SOAT2: variants seen among roughly 807,000 people sequenced by gnomAD.
SOAT2 encodes the protein ACAT-2.
A neutral mutation model predicts 76.0 loss-of-function variants in SOAT2; 87 were observed. The ratio of observed to expected loss-of-function variants is 1.14; its 90% CI spans 0.96 to 1.37. The LOEUF is 1.37. Ranked by LOEUF, SOAT2 falls within the 40% of genes most tolerant of loss-of-function variation. SOAT2 has a pLI of 0.00. For missense variants in SOAT2, 686 were observed against 682.1 expected, an observed-to-expected ratio of 1.01 and a Z score of -0.06; for synonymous variants, 285 against 275.4, an observed-to-expected ratio of 1.03 and a Z score of -0.34.
rs748906906 is a variant in SOAT2, at chr12:53,115,571, G to A, written c.625G>A (p.Val209Met). ...CTGTGCGCTGCTAGCCGCCCACGCC[G>A]TGGTGCTCTGCGCGCTGCCGGTCCA... ...LGCALLAAHA[V>M]VLCALPVHVA... The change falls in exon 6 of 15, where the codon GTG becomes ATG. Residue 209 changes from valine (V) to methionine (M), a missense_variant. Coordinates refer to ENST00000301466, the MANE Select transcript of SOAT2 (RefSeq NM_003578.4). The A allele has an allele frequency of 6.9e-6, 11 of 1,587,972 alleles. No homozygotes were observed. Among genetic ancestry groups the A allele is most frequent in the South Asian group, 2.2e-5 (2 of 89,996 alleles).
intron 5 of SOAT2, 64 bp downstream of exon 5, chr12:53,106,078 C>T (rs1937930332): frequency 8.8e-7 from 1 of 1,132,944 alleles, no homozygotes; most frequent in Non-Finnish European, 1.3e-6. Context: ...GTCCTCAGTG[C>T]CCCACCTGCC....
rs1447348389 is a variant in SOAT2, at chr12:53,122,405, A to G, written c.1237-676A>G. ...GCAGAGGGGGATTTGGCAGGGTCAT[A>G]GGACAATAGTGGAGGGAAGGTCAGC... On this transcript the variant is annotated intron_variant, in intron 12 of 14. Transcript: ENST00000301466. Among the ~76,000 whole-genome samples, 3 of 141,112 alleles carry G rather than the reference A, an allele frequency of 2.1e-5. No individual in the cohort carries two copies. In the East Asian group the frequency reaches 6.0e-4, roughly 28 times the overall value. 92.6% of individuals were successfully genotyped at this position (141,112 alleles called of 152,430 possible). A position where few individuals can be genotyped will look rare whatever the true frequency, so the allele number is the denominator to read the frequency against.
chr12:53,118,962 C>T (rs1565628568), intron 9 of SOAT2, 27 bp downstream of exon 9: 5 of 1,613,618 alleles, frequency 3.1e-6, no homozygotes, highest in Non-Finnish European at 4.2e-6. Flanking sequence ...GAAGGGTGGA[C>T]CTGTGACTCA....
chr12:53,103,734 G>C, intron 1 of SOAT2, 75 bp downstream of exon 1: 12 of 1,172,226 alleles, frequency 1.0e-5, no homozygotes, highest in Non-Finnish European at 1.4e-5. Flanking sequence ...ATGGAGAGAA[G>C]GCTCCAACTG....
At chr12:53,115,753 G>A (rs890874977) in intron 6 of SOAT2, 99 bp downstream of exon 6, 3 of 1,358,914 alleles carry the variant, frequency 2.2e-6, no homozygotes, top group Non-Finnish European at 2.9e-6. Context: ...GCCCACGAGA[G>A]GGAGGCGCTG....
chr12:53,120,337 C>G (rs575796687), intron 10 of SOAT2, among the ~76,000 whole-genome samples: 1 of 151,998 alleles, frequency 6.6e-6, no homozygotes, highest in Admixed American at 6.6e-5. Flanking sequence ...GGCGTGGTGG[C>G]GGGCGTCTGT....
rs754706744 is a variant in SOAT2, at chr12:53,105,994, C to T, written c.423C>T (p.Ile141=). The change falls in exon 5 of 15, where the codon ATC becomes ATT. Residue 141 remains isoleucine, a synonymous_variant. Coordinates refer to ENST00000301466, the MANE Select transcript of SOAT2 (RefSeq NM_003578.4). ...LCVFIISTLA[I]DFIDEGRLLL... ...TCTTCATCATCAGCACCCTGGCCAT[C>T]GACTTCATTGATGAGGGCAGGTAGG... The T allele has an allele frequency of 5.0e-6, 8 of 1,613,886 alleles. No homozygotes were observed. Among genetic ancestry groups the T allele is most frequent in the East Asian group, 2.2e-5 (1 of 44,880 alleles).
At chr12:53,113,254 C>T (rs1364044834) in intron 5 of SOAT2, among the ~76,000 whole-genome samples, 1 of 152,168 alleles carries the variant, frequency 6.6e-6, no homozygotes, top group East Asian at 1.9e-4. Flanking sequence ...CCTATTGCTT[C>T]CCTGGGTGGT....
chr12:53,122,823 G>C (rs1938212937), intron 12 of SOAT2, among the ~76,000 whole-genome samples: 1 of 152,096 alleles, frequency 6.6e-6, no homozygotes, highest in Non-Finnish European at 1.5e-5. Context: ...TTGTCATCAT[G>C]GCCCGTTCTC....
chr12:53,121,381 G>C lies in SOAT2; in HGVS notation c.1216G>C (p.Val406Leu), dbSNP rs764221472. The change falls in exon 12 of 15, where the codon GTG (valine) becomes CTG (leucine). Residue 406 changes from valine (V) to leucine (L), a missense_variant. Transcript: ENST00000301466. ...GGTCCATGACTGGCTGTACAGCTACGTGTATCAGGATGGGCTGCGGGTATG... is the reference window on the plus strand; with the variant it reads ...GGTCCATGACTGGCTGTACAGCTACCTGTATCAGGATGGGCTGCGGGTATG... ...VVVHDWLYSY[V>L]YQDGLRLLGA... The C allele has an allele frequency of 7.4e-6, 12 of 1,614,094 alleles. No homozygotes were observed. Among genetic ancestry groups the C allele is most frequent in the Non-Finnish European group, 1.0e-5 (12 of 1,179,976 alleles).
At chr12:53,115,797 G>A (rs1938098930) in intron 6 of SOAT2, 143 bp downstream of exon 6, 1 of 1,057,894 alleles carries the variant, frequency 9.5e-7, no homozygotes, top group Non-Finnish European at 1.3e-6. Flanking sequence ...GCTAGTTACC[G>A]GGGGTGGAGT....
Position 53,123,791 on chromosome 12 carries a change from C to G in SOAT2, c.1436C>G (p.Thr479Ser). 1 of 1,614,168 alleles carries G rather than the reference C, an allele frequency of 6.2e-7. No homozygotes were observed. The highest frequency in any genetic ancestry group is 8.5e-7 in the Non-Finnish European group (1 of 1,180,034). ...TGPAWNVLMW[T>S]MLFLGQGIQV... Reference sequence around the variant, plus strand: ...CCGGCATGGAACGTGCTGATGTGGACCATGCTGTTTCTAGGCCAGGGAATC... The same window carrying G: ...CCGGCATGGAACGTGCTGATGTGGAGCATGCTGTTTCTAGGCCAGGGAATC... The change falls in exon 14 of 15, where the codon ACC becomes AGC. Residue 479 changes from threonine (T) to serine (S), a missense_variant. Transcript: ENST00000301466.
intron 10 of SOAT2, 94 bp from the exon 11 acceptor site, chr12:53,120,691 GT>G (rs1380749162): frequency 1.2e-6 from 1 of 807,388 alleles, no homozygotes; most frequent in Non-Finnish European, 2.2e-6. Flanking sequence ...TGGGGCCCTG[GT>G]TTCTGGGCAG....
intron 12 of SOAT2, among the ~76,000 whole-genome samples, chr12:53,121,659 G>A (rs1938191224): frequency 6.6e-6 from 1 of 152,048 alleles, no homozygotes; most frequent in Non-Finnish European, 1.5e-5. Context: ...AGCCTTCTAA[G>A]GAACATGCAC....
rs756188031 is a variant in SOAT2 at position 53,124,057 on chromosome 12, T to C, written c.1519-16T>C. ...CAGGAATGATCTCATTCACGACTTA[T>C]TCTTCTCTGGCTCAGGCAACTTTCT... On this transcript the variant is annotated splice_polypyrimidine_tract_variant and intron_variant, in intron 14 of 14. Transcript: ENST00000301466. The C allele has an allele frequency of 1.2e-6, 2 of 1,614,194 alleles. No homozygotes were observed. Among genetic ancestry groups the C allele is most frequent in the Non-Finnish European group, 1.7e-6 (2 of 1,180,020 alleles).
At chr12:53,110,032 T>TGCTTTACAA (rs905517347) in intron 5 of SOAT2, among the ~76,000 whole-genome samples, 3 of 152,170 alleles carry the variant, frequency 2.0e-5, no homozygotes, top group African/African-American at 7.2e-5. Flanking sequence ...CAATCAACCT[T>TGCTTTACAA]CCACAACTTG....
chr12:53,114,825 T>C (rs539524822), intron 5 of SOAT2, among the ~76,000 whole-genome samples: 1 of 152,308 alleles, frequency 6.6e-6, no homozygotes, highest in African/African-American at 2.4e-5. Context: ...CAAGAAACTG[T>C]ACCTATTATT....
rs182402599 is a variant in SOAT2 at position 53,111,018 on chromosome 12, T to C, written c.444-4372T>C. On this transcript the variant is annotated intron_variant, in intron 5 of 14. Coordinates refer to ENST00000301466, the MANE Select transcript of SOAT2 (RefSeq NM_003578.4). The stretch of plus-strand genomic sequence containing the variant: ...TGGAAAATACCCAAATAATGAAATA[T>C]CTGTTGTTTAACTTTAGATTCTAAA... Among the ~76,000 whole-genome samples, 11 of 152,160 alleles carry C rather than the reference T, an allele frequency of 7.2e-5. 1 individual carries two copies. In the East Asian group the frequency reaches 1.9e-3, roughly 27 times the overall value.
intron 13 of SOAT2, 105 bp from the exon 14 acceptor site, chr12:53,123,623 T>A: frequency 1.5e-6 from 2 of 1,355,796 alleles, no homozygotes; most frequent in East Asian, 4.6e-5. Flanking sequence ...TCTTCTCCAA[T>A]GGGGCCTTCT....
Sources: gnomAD v4.1 joint callset for allele counts (sites outside exome capture counted in the v4.1 genomes callset) on GRCh38, gnomAD v4.1.1 for gene constraint, MANE v1.5 for transcripts, NCBI Gene and HGNC (gene_info 2026-07-23, HGNC 2026-07-21) for gene names.